PTPN14: variants seen among roughly 807,000 people sequenced by gnomAD.
PTPN14 encodes the protein tyrosine-protein phosphatase non-receptor type 14.
PTPN14 carries 53 observed loss-of-function variants against 126.8 expected under a neutral mutation model. That is an observed-to-expected ratio of 0.42 (90% CI 0.34 to 0.53). The LOEUF (loss-of-function observed/expected upper bound fraction) is 0.53, where lower values mean the gene tolerates loss of function less well. PTPN14 is among the 20% of genes least tolerant of loss of function. The pLI is 0.08. For missense variants in PTPN14, 1,257 were observed against 1,552.9 expected (o/e 0.81, Z 3.20); for synonymous variants, 630 against 599.3 (o/e 1.05, Z -0.75).
At chr1:214,458,854 A>G (rs1293365472) in intron 2 of PTPN14, among the ~76,000 whole-genome samples, 5 of 152,194 alleles carry the variant, frequency 3.3e-5, no homozygotes, top group African/African-American at 1.2e-4. Context: ...TAAAAGGCCC[A>G]GCTCCATTTA....
At chr1:214,487,743 T>C (rs751169071) in intron 1 of PTPN14, among the ~76,000 whole-genome samples, 12 of 152,172 alleles carry the variant, frequency 7.9e-5, no homozygotes, top group Non-Finnish European at 1.3e-4. Context: ...AAGCACTTTG[T>C]TGAGAGCTAA....
intron 16 of PTPN14, 140 bp from the exon 17 acceptor site, chr1:214,369,831 G>A: frequency 1.4e-6 from 1 of 715,596 alleles, no homozygotes; most frequent in East Asian, 2.5e-5. Flanking sequence ...TCTACCACAG[G>A]GTAGATCCTA....
chr1:214,413,613 GAA>G (rs1659358303), intron 4 of PTPN14, among the ~76,000 whole-genome samples: 1 of 152,096 alleles, frequency 6.6e-6, no homozygotes, highest in South Asian at 2.1e-4. Context: ...TGACTAAAAG[GAA>G]AAGTTTCTTT....
chr1:214,374,895 T>C (rs1224577976), intron 15 of PTPN14, among the ~76,000 whole-genome samples: 1 of 152,176 alleles, frequency 6.6e-6, no homozygotes, highest in African/African-American at 2.4e-5. Context: ...CTATGTAAGA[T>C]TTTCATAGAC....
At chr1:214,460,121 C>G (rs1037179725) in intron 2 of PTPN14, among the ~76,000 whole-genome samples, 1 of 152,106 alleles carries the variant, frequency 6.6e-6, no homozygotes, top group African/African-American at 2.4e-5. Context: ...GGGCAGGTCA[C>G]CCTATGCTGC....
chr1:214,452,012 C>A (rs1419932280), intron 2 of PTPN14, 38 bp from the exon 3 acceptor site: 1 of 1,581,568 alleles, frequency 6.3e-7, no homozygotes, highest in African/African-American at 1.3e-5. Context: ...TTCATGCTCA[C>A]CACAAGCATC....
At chr1:214,494,284 G>A (rs903618433) in intron 1 of PTPN14, among the ~76,000 whole-genome samples, 11 of 152,036 alleles carry the variant, frequency 7.2e-5, no homozygotes, top group Non-Finnish European at 1.6e-4. Context: ...GGTATCTCTC[G>A]ATCTCCTGAC....
At chr1:214,458,638 T>C (rs1022480526) in intron 2 of PTPN14, among the ~76,000 whole-genome samples, 1 of 152,080 alleles carries the variant, frequency 6.6e-6, no homozygotes, top group African/African-American at 2.4e-5. Flanking sequence ...GTTACATAGC[T>C]AGTAAATGGC....
chr1:214,480,878 G>A lies in PTPN14; in HGVS notation c.-154-15921C>T, dbSNP rs545766000. ...AGGCACCCTCTCTGCCTACCAAGTCGTATGAAGTGATAGGTAAGGATATGA... is the reference window on the plus strand; with the variant it reads ...AGGCACCCTCTCTGCCTACCAAGTCATATGAAGTGATAGGTAAGGATATGA... On this transcript the variant is annotated intron_variant, in intron 1 of 18. Transcript: ENST00000366956. Among the ~76,000 whole-genome samples, 325 of 152,192 alleles carry A rather than the reference G, an allele frequency of 2.1e-3. 3 individuals carry two copies. Among genetic ancestry groups the A allele is most frequent in the African/African-American group, 7.2e-3 (297 of 41,522 alleles).
At chr1:214,453,290 C>A (rs901616028) in intron 2 of PTPN14, among the ~76,000 whole-genome samples, 1 of 152,194 alleles carries the variant, frequency 6.6e-6, no homozygotes, top group Non-Finnish European at 1.5e-5. Flanking sequence ...TATTCATTTC[C>A]TAGCTCCACT....
rs776344137 is a variant in PTPN14, at chr1:214,350,396, G to C, written c.*7526C>G. ...CATATTAAGTACTGCTGTCATCATTGTTTTAAACAGAGCGTCTTTCATTTT... is the reference window on the plus strand; with the variant it reads ...CATATTAAGTACTGCTGTCATCATTCTTTTAAACAGAGCGTCTTTCATTTT... On this transcript the variant is annotated 3_prime_UTR_variant, in exon 19 of 19. Transcript: ENST00000366956. 6.6e-6 allele frequency: 1 copy of C among 152,168 alleles called. No individual in the cohort carries two copies. Among genetic ancestry groups the C allele is most frequent in the Non-Finnish European group, 1.5e-5 (1 of 68,058 alleles). 9.4% of individuals were successfully genotyped at this position (152,168 alleles called of 1,614,324 possible).
At chr1:214,465,522 G>A (rs771931016) in intron 1 of PTPN14, among the ~76,000 whole-genome samples, 175 of 152,298 alleles carry the variant, frequency 1.1e-3, no homozygotes, top group Middle Eastern at 6.8e-3. Context: ...TTGGGAGGCT[G>A]AGATGGGAGG....
intron 10 of PTPN14, among the ~76,000 whole-genome samples, chr1:214,391,832 A>T (rs1658760032): frequency 6.6e-6 from 1 of 152,172 alleles, no homozygotes; most frequent in African/African-American, 2.4e-5. Flanking sequence ...CTTTTATGAA[A>T]TGATGGAGGT....
intron 1 of PTPN14, among the ~76,000 whole-genome samples, chr1:214,496,106 G>C (rs1347623735): frequency 6.6e-6 from 1 of 152,014 alleles, no homozygotes; most frequent in African/African-American, 2.4e-5. Context: ...CTTATAATTT[G>C]CTCAGTAATT....
chr1:214,548,362 T>C (rs1656023700), intron 1 of PTPN14, among the ~76,000 whole-genome samples: 1 of 152,182 alleles, frequency 6.6e-6, no homozygotes, highest in African/African-American at 2.4e-5. Flanking sequence ...GAAGCGTAAA[T>C]TAAATCAATT....
chr1:214,402,398 C>G (rs1223542754), intron 6 of PTPN14, among the ~76,000 whole-genome samples: 1 of 137,408 alleles, frequency 7.3e-6, no homozygotes, highest in Non-Finnish European at 1.5e-5. Flanking sequence ...CGAGATCGCA[C>G]CACTGCACTC....
At position 214,384,139 on chromosome 1, in the gene PTPN14, C is replaced by G. The variant is rs753559949; in HGVS notation, c.1716G>C (p.Arg572=). 1 of 1,575,512 alleles carries G rather than the reference C, an allele frequency of 6.3e-7. No individual in the cohort carries two copies. Among genetic ancestry groups the G allele is most frequent in the Non-Finnish European group, 8.6e-7 (1 of 1,163,520 alleles). The change falls in exon 13 of 19, where the codon CGG becomes CGC. Residue 572 remains arginine (R), a synonymous_variant. Transcript: ENST00000366956. This position sits in a 1 kb window ranked among gnomAD's most constrained non-coding sequence, Gnocchi z 5.3. ...YLFRPPPPYP[R]PRPATSTPDL... ...CTGGGGTGCTGGTGGCAGGTCGTGG[C>G]CGTGGGTAGGGGGGCGGTGGCCTGA...
At chr1:214,465,926 T>C (rs1002050832) in intron 1 of PTPN14, among the ~76,000 whole-genome samples, 1 of 145,260 alleles carries the variant, frequency 6.9e-6, no homozygotes, top group Non-Finnish European at 1.5e-5. Flanking sequence ...GGTGGCAATA[T>C]GCATTTAATA....
intron 16 of PTPN14, among the ~76,000 whole-genome samples, chr1:214,370,827 C>A (rs1436708424): frequency 2.0e-5 from 3 of 152,172 alleles, no homozygotes; most frequent in African/African-American, 7.2e-5. Context: ...GCACTGAACA[C>A]ATACAGCTGC....
Sources: allele counts gnomAD v4.1 joint callset (sites outside exome capture counted in the v4.1 genomes callset), GRCh38; gene constraint gnomAD v4.1.1; non-coding constraint Gnocchi (gnomAD v3.1); transcripts MANE v1.5; gene names NCBI Gene and HGNC (gene_info 2026-07-23, HGNC 2026-07-21).